The following SHB variants were observed in gnomAD, a reference collection of about 807,000 sequenced individuals.
SHB encodes SH2 domain-containing adapter protein B.
Under a neutral mutation model 52.3 loss-of-function variants are expected in SHB, and 20 were observed. The ratio of observed to expected loss-of-function variants is 0.38; its 90% CI spans 0.27 to 0.56. The LOEUF (loss-of-function observed/expected upper bound fraction) is 0.56. Ranked by LOEUF, SHB falls within the 20% of genes least tolerant of loss-of-function variation. The probability of loss-of-function intolerance (pLI) is 0.71; values close to 1 mark genes in which losing one functional copy is unlikely to be tolerated. For missense variants in SHB, 825 were observed against 723.3 expected (o/e 1.14, Z -1.61); for synonymous variants, 397 against 316.5 (o/e 1.25, Z -2.70).
In SHB at chr9:37,966,842, G is replaced by C. The variant is rs1016189456; in HGVS notation, c.1054+7780C>G. On this transcript the variant is annotated intron_variant, in intron 3 of 5. Coordinates refer to ENST00000377707, the MANE Select transcript of SHB (RefSeq NM_003028.3). ...TGAGTCACATAGCTTGGTGGGAATAGCAAGTGTGGAGCAGTGCCCTACACA... is the reference window on the plus strand; with the variant it reads ...TGAGTCACATAGCTTGGTGGGAATACCAAGTGTGGAGCAGTGCCCTACACA... 3.9e-5 allele frequency among the ~76,000 whole-genome samples: 6 copies of C among 152,322 alleles called. No individual in the cohort carries two copies. The South Asian group carries it at 1.0e-3, about 26-fold the overall frequency.
intron 2 of SHB, among the ~76,000 whole-genome samples, chr9:38,000,586 CG>C (rs1820999149): frequency 6.6e-6 from 1 of 152,224 alleles, no homozygotes; most frequent in African/African-American, 2.4e-5. Flanking sequence ...GGCGCTGTTC[CG>C]AGGCCGGGTG....
intron 5 of SHB, among the ~76,000 whole-genome samples, chr9:37,925,270 G>T (rs1266920978): frequency 1.3e-5 from 2 of 152,242 alleles, no homozygotes; most frequent in African/African-American, 4.8e-5. Context: ...CTGCAGCCCA[G>T]CAAAGGGAGA....
At chr9:37,961,050 T>C (rs373998294) in intron 3 of SHB, among the ~76,000 whole-genome samples, 1 of 152,212 alleles carries the variant, frequency 6.6e-6, no homozygotes, top group East Asian at 1.9e-4. Flanking sequence ...CTGGAATTAC[T>C]GCCCTTCTGC....
chr9:37,992,709 T>C (rs1820897544), intron 2 of SHB, among the ~76,000 whole-genome samples: 2 of 152,156 alleles, frequency 1.3e-5, no homozygotes, highest in African/African-American at 2.4e-5. Context: ...CCTGCCACCA[T>C]ACAGCATGGT....
chr9:37,919,981 A>G lies in SHB; in HGVS notation c.1370T>C (p.Met457Thr), dbSNP rs766213018. Reference protein sequence around the residue: ...SLRSNQGFMHMKLAKTKEKYV... With the variant: ...SLRSNQGFMHTKLAKTKEKYV... Reference sequence around the variant, plus strand: ...TTTCTCTTTGGTTTTGGCCAGTTTCATGTGCATAAAACCCTGGTTGCTCCT... The same window carrying G: ...TTTCTCTTTGGTTTTGGCCAGTTTCGTGTGCATAAAACCCTGGTTGCTCCT... The change falls in exon 6 of 6, where the codon ATG (methionine) becomes ACG (threonine). Residue 457 changes from methionine (M) to threonine (T), a missense_variant. Met to Thr is a moderately conservative substitution (Grantham distance 81). Transcript: ENST00000377707. 6.2e-7 allele frequency: 1 copy of G among 1,614,078 alleles called. No individual in the cohort carries two copies. The highest frequency in any genetic ancestry group is 8.5e-7 in the Non-Finnish European group (1 of 1,179,944).
At position 37,940,148 on chromosome 9, in the gene SHB, G is replaced by C. The variant is rs149927261; in HGVS notation, c.1346+8487C>G. ...GTCTCCTGGGCATAGGCCCAGGGCT[G>C]TTCCTACACTCTCCACCCCCACTGC... On this transcript the variant is annotated intron_variant, in intron 5 of 5. Transcript: ENST00000377707. Among the ~76,000 whole-genome samples the C allele has an allele frequency of 2.6e-5, 4 of 152,304 alleles. No homozygotes were observed. The East Asian group carries it at 7.7e-4, about 29-fold the overall frequency.
intron 5 of SHB, among the ~76,000 whole-genome samples, chr9:37,940,746 G>C (rs1368903115): frequency 6.6e-6 from 1 of 152,182 alleles, no homozygotes; most frequent in Admixed American, 6.5e-5. Flanking sequence ...AATTGAAAAA[G>C]TCTCTTTCTG....
At chr9:38,050,390 G>A (rs1411457418) in intron 1 of SHB, among the ~76,000 whole-genome samples, 4 of 152,172 alleles carry the variant, frequency 2.6e-5, no homozygotes, top group Non-Finnish European at 4.4e-5. Flanking sequence ...GACTATGAAT[G>A]CAAGGTTACC....
intron 1 of SHB, among the ~76,000 whole-genome samples, chr9:38,031,030 T>C (rs1821405827): frequency 6.6e-6 from 1 of 152,046 alleles, no homozygotes; most frequent in Non-Finnish European, 1.5e-5. Context: ...CCACATTTTA[T>C]GAAGGAAAGG....
At chr9:37,933,003 A>G (rs1832331412) in intron 5 of SHB, among the ~76,000 whole-genome samples, 1 of 152,132 alleles carries the variant, frequency 6.6e-6, no homozygotes, top group Admixed American at 6.5e-5. Flanking sequence ...TGAAAAGAAG[A>G]AAAAAAATCC....
intron 1 of SHB, among the ~76,000 whole-genome samples, chr9:38,053,003 C>T (rs564141832): frequency 6.6e-6 from 1 of 152,288 alleles, no homozygotes; most frequent in Non-Finnish European, 1.5e-5. Context: ...AGTACCTGGC[C>T]CAAACTAGAC....
intron 2 of SHB, among the ~76,000 whole-genome samples, chr9:37,991,751 A>G (rs1820884288): frequency 6.6e-6 from 1 of 152,204 alleles, no homozygotes; most frequent in Non-Finnish European, 1.5e-5. Context: ...CCATCACCCA[A>G]TTTTGATCAG....
intron 1 of SHB, 46 bp downstream of exon 1, chr9:38,067,883 G>T: frequency 1.4e-6 from 2 of 1,411,372 alleles, no homozygotes; most frequent in East Asian, 3.0e-5. Context: ...TTCCCCGTGC[G>T]CACCGTGGCT....
chr9:38,041,300 C>T (rs1821572335), intron 1 of SHB, among the ~76,000 whole-genome samples: 1 of 152,194 alleles, frequency 6.6e-6, no homozygotes, highest in Non-Finnish European at 1.5e-5. Context: ...CCGGTGAATC[C>T]ACCAGTCAGG....
intron 1 of SHB, among the ~76,000 whole-genome samples, chr9:38,031,417 T>A (rs950266604): frequency 1.7e-4 from 26 of 152,316 alleles, no homozygotes; most frequent in African/African-American, 5.3e-4. Context: ...TAAAGCATAG[T>A]CCTTTAAGGT....
intron 2 of SHB, among the ~76,000 whole-genome samples, chr9:38,005,925 C>G (rs1348969880): frequency 6.6e-6 from 1 of 152,120 alleles, no homozygotes; most frequent in Non-Finnish European, 1.5e-5. Flanking sequence ...AGTTTGGGGC[C>G]CTCCTCTGAT....
At chr9:37,961,926 G>A (rs574770721) in intron 3 of SHB, among the ~76,000 whole-genome samples, 1 of 152,302 alleles carries the variant, frequency 6.6e-6, no homozygotes, top group South Asian at 2.1e-4. Flanking sequence ...CCCCATGGCC[G>A]ACCTGCAGCT....
intron 1 of SHB, among the ~76,000 whole-genome samples, chr9:38,028,982 G>C (rs1004780891): frequency 6.6e-6 from 1 of 151,988 alleles, no homozygotes; most frequent in Non-Finnish European, 1.5e-5. Context: ...GCATGGACAA[G>C]TGGATACAGG....
At position 37,917,862 on chromosome 9, in the gene SHB, A is replaced by C. The variant is rs953889863; in HGVS notation, c.*1959T>G. 2.0e-5 allele frequency among the ~76,000 whole-genome samples: 3 copies of C among 152,228 alleles called. No individual in the cohort carries two copies. Among genetic ancestry groups the C allele is most frequent in the Non-Finnish European group, 4.4e-5 (3 of 68,030 alleles). On this transcript the variant is annotated 3_prime_UTR_variant, in exon 6 of 6. Transcript: ENST00000377707. ...GCTGGGCCACGTGGACGTGCCAGACAAGGCCTGGGAGGAAGACCCAAGAGG... is the reference window on the plus strand; with the variant it reads ...GCTGGGCCACGTGGACGTGCCAGACCAGGCCTGGGAGGAAGACCCAAGAGG...
Sources: allele counts gnomAD v4.1 joint callset (sites outside exome capture counted in the v4.1 genomes callset), GRCh38; gene constraint gnomAD v4.1.1; transcripts MANE v1.5; gene names NCBI Gene and HGNC (gene_info 2026-07-23, HGNC 2026-07-21).